Variants in DOC2B observed in about 807,000 individuals in gnomAD.
DOC2B encodes double C2 domain beta, also known as double C2-like domain-containing protein beta.
DOC2B carries 21 observed loss-of-function variants against 28.9 expected under a neutral mutation model. The ratio of observed to expected loss-of-function variants is 0.73; its 90% CI spans 0.52 to 1.05. DOC2B has a LOEUF of 1.05. Among genes scored for constraint, DOC2B ranks in the 50% least tolerant of loss-of-function variants. The probability of loss-of-function intolerance (pLI) is 0.00; values close to 1 mark genes in which losing one functional copy is unlikely to be tolerated. For missense variants in DOC2B, 384 were observed against 421.1 expected (o/e 0.91, Z 0.77); for synonymous variants, 194 against 178.1 (o/e 1.09, Z -0.71).
chr17:175,847 GC>G (rs1188186829), intron 1 of DOC2B, among the ~76,000 whole-genome samples: 1 of 152,198 alleles, frequency 6.6e-6, no homozygotes, highest in Non-Finnish European at 1.5e-5. Flanking sequence ...AAGGAGGGCA[GC>G]GATCTTCTCC....
At position 181,392 on chromosome 17, in the gene DOC2B, TG is replaced by T; in HGVS notation, c.87del (p.Ile30SerfsTer124). ...GGGAAGTAGTCGGAGATCTGCTTGA[TG>T]GGACGGATGGGGCCGGGGCACACGT... ...AIDVCPGPIRPIKQISDYFPR... is the reference protein window; with the variant it reads ...AIDVCPGPIRXIKQISDYFPR... On this transcript the variant is annotated frameshift_variant, in exon 1 of 9. Coordinates refer to ENST00000613549, the MANE Select transcript of DOC2B (RefSeq NM_003585.5). LOFTEE classifies it high-confidence loss of function. This position sits in a 1 kb window ranked among gnomAD's most constrained non-coding sequence, Gnocchi z 7.0. 1 of 1,162,754 alleles carries T rather than the reference TG, an allele frequency of 8.6e-7. No homozygotes were observed. Among genetic ancestry groups the T allele is most frequent in the Non-Finnish European group, 1.1e-6 (1 of 938,166 alleles). The allele number at this position is 1,162,754 out of a possible 1,614,324, so 72.0% of individuals were successfully genotyped here. A position where few individuals can be genotyped will look rare whatever the true frequency, so the allele number is the denominator to read the frequency against.
At chr17:169,212 G>A (rs1454449574) in intron 2 of DOC2B, among the ~76,000 whole-genome samples, 1 of 152,106 alleles carries the variant, frequency 6.6e-6, no homozygotes, top group African/African-American at 2.4e-5. Flanking sequence ...CGGAGTGAAA[G>A]AAGGCAGACT....
At chr17:180,692 T>C (rs990584513) in intron 1 of DOC2B, among the ~76,000 whole-genome samples, 1 of 151,244 alleles carries the variant, frequency 6.6e-6, no homozygotes, top group African/African-American at 2.4e-5. Flanking sequence ...CCGGAGCGGC[T>C]GGCGAGCGGG....
At chr17:179,602 C>T (rs564292312) in intron 1 of DOC2B, among the ~76,000 whole-genome samples, 1 of 152,296 alleles carries the variant, frequency 6.6e-6, no homozygotes, top group Admixed American at 6.5e-5. Flanking sequence ...ACTTGGGTCC[C>T]ACTCAGGGCC....
At chr17:164,300 GC>G in intron 2 of DOC2B, 96 bp from the exon 3 acceptor site, 1 of 957,054 alleles carries the variant, frequency 1.0e-6, no homozygotes, top group African/African-American at 1.6e-5. Flanking sequence ...TCCTGGCTGG[GC>G]CCATTCATGG....
chr17:153,806 A>G (rs1478476275), intron 6 of DOC2B, among the ~76,000 whole-genome samples: 1 of 152,108 alleles, frequency 6.6e-6, no homozygotes, highest in Non-Finnish European at 1.5e-5. Flanking sequence ...AAAAACATAT[A>G]TATACGCAAA....
Position 143,873 on chromosome 17 carries a change from C to T in DOC2B, c.*3568G>A, listed in dbSNP as rs2151454844. On this transcript the variant is annotated 3_prime_UTR_variant, in exon 9 of 9. Transcript: ENST00000613549. ...CAGCAAAACGGGGTTAAGCAGTGCA[C>T]GAGAGTCTGCGTCGACGACAGCCAG... 1 of 152,310 alleles carries T rather than the reference C, an allele frequency of 6.6e-6. No individual in the cohort carries two copies. Among genetic ancestry groups the T allele is most frequent in the African/African-American group, 2.4e-5 (1 of 41,568 alleles). The allele number at this position is 152,310 out of a possible 1,614,324, so 9.4% of individuals were successfully genotyped here.
intron 5 of DOC2B, among the ~76,000 whole-genome samples, chr17:156,578 C>T (rs2040138625): frequency 1.3e-5 from 2 of 152,184 alleles, no homozygotes; most frequent in African/African-American, 4.8e-5. Context: ...GGATCTGACC[C>T]ACACCCTCCC....
chr17:178,493 C>T (rs574697654), intron 1 of DOC2B, among the ~76,000 whole-genome samples: 2 of 152,338 alleles, frequency 1.3e-5, no homozygotes, highest in East Asian at 1.9e-4. Flanking sequence ...GTAGGGGCAG[C>T]GTGTGGGGTG....
intron 5 of DOC2B, among the ~76,000 whole-genome samples, chr17:160,550 G>A (rs1044982630): frequency 4.6e-5 from 7 of 152,156 alleles, no homozygotes; most frequent in African/African-American, 1.2e-4. Flanking sequence ...TCCCAAACTT[G>A]CCCCTTGCCC....
intron 5 of DOC2B, among the ~76,000 whole-genome samples, chr17:158,298 C>G (rs535674546): frequency 9.2e-5 from 14 of 152,198 alleles, no homozygotes; most frequent in Admixed American, 9.2e-4. Flanking sequence ...AGCCCACCCA[C>G]ACACGCCCAG....
chr17:153,505 C>G (rs1256648475), intron 6 of DOC2B, among the ~76,000 whole-genome samples: 1 of 152,148 alleles, frequency 6.6e-6, no homozygotes, highest in Non-Finnish European at 1.5e-5. Flanking sequence ...GAGTTCAAGA[C>G]CAGCCTGGCC....
At chr17:170,827 C>T (rs1555524218) in intron 2 of DOC2B, among the ~76,000 whole-genome samples, 4 of 117,834 alleles carry the variant, frequency 3.4e-5, no homozygotes, top group African/African-American at 1.3e-4. Context: ...GCACCAGGGG[C>T]CGGGCCAGGC....
At chr17:155,927 C>T (rs1352439068) in intron 6 of DOC2B, 23 of 396,106 alleles carry the variant, frequency 5.8e-5, no homozygotes, top group Non-Finnish European at 1.0e-4. Flanking sequence ...ACTCATGGCC[C>T]CTCCTGGGCC....
chr17:172,648 T>C (rs1475921600), intron 1 of DOC2B, 32 bp from the exon 2 acceptor site: 2 of 1,524,160 alleles, frequency 1.3e-6, no homozygotes, highest in Non-Finnish European at 1.8e-6. Flanking sequence ...GGTCCCACCC[T>C]GGCCGCATCT....
intron 5 of DOC2B, 127 bp downstream of exon 5, chr17:161,288 C>T (rs368871663): frequency 3.0e-6 from 3 of 1,016,676 alleles, no homozygotes; most frequent in Admixed American, 4.2e-5. Flanking sequence ...TCTCCATGCT[C>T]ACCTCCCCGG....
intron 2 of DOC2B, among the ~76,000 whole-genome samples, chr17:169,875 C>G (rs1319917227): frequency 2.0e-5 from 3 of 152,184 alleles, no homozygotes; most frequent in Non-Finnish European, 4.4e-5. Context: ...GGAACTGGGC[C>G]TCCCACCCCC....
At chr17:169,318 A>G (rs990500468) in intron 2 of DOC2B, among the ~76,000 whole-genome samples, 1 of 151,950 alleles carries the variant, frequency 6.6e-6, no homozygotes, top group Non-Finnish European at 1.5e-5. Flanking sequence ...TCCATAGAGA[A>G]GGAAGCCAAA....
Position 181,151 on chromosome 17 carries a change from G to A in DOC2B, c.329C>T (p.Pro110Leu), listed in dbSNP as rs1018996888. The A allele has an allele frequency of 5.6e-6, 7 of 1,253,670 alleles. No homozygotes were observed. The highest frequency in any genetic ancestry group is 3.0e-5 in the South Asian group (1 of 33,276). 77.7% of individuals were successfully genotyped at this position (1,253,670 alleles called of 1,614,324 possible). ...PSPARPPAKP[P>L]EDEPDADGYE... is the part of the protein sequence containing the mutation. ...GCCGTCGGCGTCCGGCTCGTCCTCC[G>A]GCGGCTTGGCTGGCGGCCGCGCGGG... The change falls in exon 1 of 9, where the codon CCG (proline) becomes CTG (leucine). Residue 110 changes from proline (P) to leucine (L), a missense_variant. Coordinates refer to ENST00000613549, the MANE Select transcript of DOC2B (RefSeq NM_003585.5). This position sits in a 1 kb window ranked among gnomAD's most constrained non-coding sequence, Gnocchi z 7.0.
Sources: gnomAD v4.1 joint callset for allele counts (sites outside exome capture counted in the v4.1 genomes callset) on GRCh38, gnomAD v4.1.1 for gene constraint, Gnocchi (gnomAD v3.1) non-coding constraint, MANE v1.5 for transcripts, NCBI Gene and HGNC (gene_info 2026-07-23, HGNC 2026-07-21) for gene names.